The following FAM13B variants were observed in gnomAD, a reference collection of about 807,000 sequenced individuals.
FAM13B encodes the protein family with sequence similarity 13 member B.
A neutral mutation model predicts 117.3 loss-of-function variants in FAM13B; 60 were observed. The ratio of observed to expected loss-of-function variants is 0.51; its 90% CI spans 0.42 to 0.63. The LOEUF (loss-of-function observed/expected upper bound fraction) is 0.63, where lower values mean the gene tolerates loss of function less well. FAM13B is among the 30% of genes least tolerant of loss of function. The pLI, the probability that FAM13B is intolerant of heterozygous loss-of-function variation, is 0.00. For synonymous variants in FAM13B, 332 were observed against 356.1 expected, an observed-to-expected ratio of 0.93 and a Z score of 0.76; for missense variants, 972 against 1,091.9, an observed-to-expected ratio of 0.89 and a Z score of 1.55.
chr5:138,029,008 G>A (rs569280191), intron 1 of FAM13B, among the ~76,000 whole-genome samples: 5 of 151,904 alleles, frequency 3.3e-5, no homozygotes, highest in South Asian at 2.1e-4. Context: ...GGACAAGAAC[G>A]AGACTTCGTC....
chr5:137,985,141 T>C lies in FAM13B; in HGVS notation c.1179+116A>G, dbSNP rs986382324. 11 of 1,023,610 alleles carry C rather than the reference T, an allele frequency of 1.1e-5. 1 individual carries two copies. Among genetic ancestry groups the C allele is most frequent in the South Asian group, 7.9e-5 (5 of 63,178 alleles). 63.4% of individuals were successfully genotyped at this position (1,023,610 alleles called of 1,614,324 possible). A position where few individuals can be genotyped will look rare whatever the true frequency, so the allele number is the denominator to read the frequency against. On this transcript the variant is annotated intron_variant, in intron 10 of 23. Transcript: ENST00000689681. ...GAAACAATGTATATTCTTGGGGATTTATAATTGAGACAATTAAGTGTATCA... is the reference window on the plus strand; with the variant it reads ...GAAACAATGTATATTCTTGGGGATTCATAATTGAGACAATTAAGTGTATCA...
At chr5:138,047,372 A>T (rs545192247) in intron 1 of FAM13B, among the ~76,000 whole-genome samples, 3 of 151,588 alleles carry the variant, frequency 2.0e-5, no homozygotes, top group Non-Finnish European at 4.4e-5. Context: ...AGGGCGTGGT[A>T]GCACACGCCT....
At position 137,954,268 on chromosome 5, in the gene FAM13B, G is replaced by C. The variant is rs1285699597; in HGVS notation, c.1616C>G (p.Pro539Arg). 1 of 1,613,968 alleles carries C rather than the reference G, an allele frequency of 6.2e-7. No homozygotes were observed. Among genetic ancestry groups the C allele is most frequent in the Non-Finnish European group, 8.5e-7 (1 of 1,179,960 alleles). Residue 539 changes from proline to arginine, a missense_variant, in exon 15 of 24, where the codon CCT (proline) becomes CGT (arginine). Pro to Arg is a moderately radical substitution (Grantham distance 103). Coordinates refer to ENST00000689681, the MANE Select transcript of FAM13B (RefSeq NM_001385994.1). The part of the protein sequence containing the change: ...MNHHPLEEDC[P>R]PVLSHRSLDF... ...TAAACTGCGGTGTGATAATACTGGAGGACAGTCCTCTTCCAAGGGGTGATG... is the reference window on the plus strand; with the variant it reads ...TAAACTGCGGTGTGATAATACTGGACGACAGTCCTCTTCCAAGGGGTGATG...
intron 1 of FAM13B, among the ~76,000 whole-genome samples, chr5:138,049,204 A>C (rs945547163): frequency 1.3e-5 from 2 of 152,122 alleles, no homozygotes; most frequent in African/African-American, 2.4e-5. Flanking sequence ...GGCCTCCCAA[A>C]GTGCTGGGAT....
At chr5:137,940,808 G>A (rs1366390571) in intron 23 of FAM13B, among the ~76,000 whole-genome samples, 3 of 152,094 alleles carry the variant, frequency 2.0e-5, no homozygotes, top group Non-Finnish European at 2.9e-5. Context: ...CAGTTTAATC[G>A]CTAGCTAAAG....
At chr5:137,970,585 G>C (rs1771778559) in intron 10 of FAM13B, among the ~76,000 whole-genome samples, 1 of 151,870 alleles carries the variant, frequency 6.6e-6, no homozygotes, top group Non-Finnish European at 1.5e-5. Context: ...ACATCATAAT[G>C]ACAGGATCAA....
chr5:138,011,505 G>A (rs1257602048), intron 5 of FAM13B, among the ~76,000 whole-genome samples: 4 of 151,316 alleles, frequency 2.6e-5, no homozygotes, highest in Non-Finnish European at 4.4e-5. Flanking sequence ...TGCAAGCTCC[G>A]CCTCCCCGGG....
intron 9 of FAM13B, among the ~76,000 whole-genome samples, chr5:137,986,376 T>G (rs562423528): frequency 6.6e-6 from 1 of 151,820 alleles, no homozygotes; most frequent in Non-Finnish European, 1.5e-5. Context: ...TCTTTTTTTT[T>G]CCTTTACCTT....
chr5:138,003,148 A>G (rs1472591372), intron 7 of FAM13B, among the ~76,000 whole-genome samples: 1 of 152,188 alleles, frequency 6.6e-6, no homozygotes, highest in African/African-American at 2.4e-5. Flanking sequence ...ACAACCGTAA[A>G]AATAAGTTGC....
intron 7 of FAM13B, among the ~76,000 whole-genome samples, chr5:137,997,251 C>T (rs1178809857): frequency 6.6e-6 from 1 of 152,060 alleles, no homozygotes; most frequent in East Asian, 1.9e-4. Context: ...AGGTGGATCA[C>T]GAGGCCAGGA....
At position 137,939,353 on chromosome 5, in the gene FAM13B, G is replaced by A. The variant is rs1761005383; in HGVS notation, c.*872C>T. ...GCCCATTGATTGAACACACAAATCT[G>A]AGCACCATCAGAGTTCCTACATACT... On this transcript the variant is annotated 3_prime_UTR_variant, in exon 24 of 24. Coordinates refer to ENST00000689681, the MANE Select transcript of FAM13B (RefSeq NM_001385994.1). 1.3e-5 allele frequency: 2 copies of A among 152,666 alleles called. No homozygotes were observed. Among genetic ancestry groups the A allele is most frequent in the Non-Finnish European group, 1.5e-5 (1 of 68,076 alleles). The allele number at this position is 152,666 out of a possible 1,614,324, so 9.5% of individuals were successfully genotyped here.
At chr5:137,990,671 G>A (rs538245683) in intron 7 of FAM13B, among the ~76,000 whole-genome samples, 62 of 151,940 alleles carry the variant, frequency 4.1e-4, no homozygotes, top group African/African-American at 1.2e-3. Context: ...TTAAAATAAG[G>A]AGCCAGGTGC....
Position 137,992,949 on chromosome 5 carries a change from TCCA to T in FAM13B, c.849-4637_849-4635del, listed in dbSNP as rs142532503. On this transcript the variant is annotated intron_variant, in intron 7 of 23. Transcript: ENST00000689681. ...GTCACAAAGTAAAAAAATTGAATTG[TCCA>T]CCAACAGCAAAATGGATAATTGTGG... 6.4e-4 allele frequency among the ~76,000 whole-genome samples: 98 copies of T among 152,056 alleles called. 2 individuals are homozygous for T. In the East Asian group the frequency reaches 0.015, roughly 23 times the overall value.
chr5:137,942,134 G>A, intron 22 of FAM13B, 89 bp from the exon 23 acceptor site: 1 of 1,109,574 alleles, frequency 9.0e-7, no homozygotes, highest in Non-Finnish European at 1.3e-6. Context: ...AATTAAAAGT[G>A]GCTGGGGAAC....
At chr5:138,039,829 C>T in intron 1 of FAM13B, 1 of 152,086 alleles carries the variant, frequency 6.6e-6, no homozygotes, top group East Asian at 1.9e-4. Context: ...TATTTTTTGC[C>T]AAACATTTAC....
chr5:138,007,795 A>G (rs2150852623), intron 6 of FAM13B, among the ~76,000 whole-genome samples: 1 of 152,352 alleles, frequency 6.6e-6, no homozygotes, highest in Non-Finnish European at 1.5e-5. Context: ...TCACTCTAAT[A>G]AAAAGATACT....
At position 138,024,329 on chromosome 5, in the gene FAM13B, G is replaced by A. The variant is rs144915804; in HGVS notation, c.-202-3132C>T. ...CAGAGACACACAGAGAGAAAGAAGA[G>A]CATGTGAAGACAGGGAGAAACTGGA... On this transcript the variant is annotated intron_variant, in intron 1 of 23. Transcript: ENST00000689681. 1.2e-3 allele frequency among the ~76,000 whole-genome samples: 188 copies of A among 152,198 alleles called. 4 individuals are homozygous for A. Among genetic ancestry groups the A allele is most frequent in the Middle Eastern group, 0.01 (3 of 294 alleles).
At chr5:137,966,459 T>TTATATATATATA (rs373885448) in intron 10 of FAM13B, among the ~76,000 whole-genome samples, 11 of 50,274 alleles carry the variant, frequency 2.2e-4, no homozygotes, top group African/African-American at 4.6e-4. Context: ...GAAATAGATT[T>TTATATATATATA]TATATATATA....
chr5:137,954,644 C>A, intron 14 of FAM13B: 1 of 183,660 alleles, frequency 5.4e-6, no homozygotes, highest in Non-Finnish European at 1.1e-5. Flanking sequence ...GATAAGGTCT[C>A]GCTCTGCTGC....
Sources: allele counts gnomAD v4.1 joint callset (sites outside exome capture counted in the v4.1 genomes callset), GRCh38; gene constraint gnomAD v4.1.1; transcripts MANE v1.5; gene names NCBI Gene and HGNC (gene_info 2026-07-23, HGNC 2026-07-21).